The following PDE4D variants were observed in gnomAD, a reference collection of about 807,000 sequenced individuals.
The protein encoded by PDE4D is phosphodiesterase 4D, also known as 3',5'-cyclic-AMP phosphodiesterase 4D.
PDE4D carries 24 observed loss-of-function variants against 87.4 expected under a neutral mutation model. The ratio of observed to expected loss-of-function variants is 0.27; its 90% confidence interval spans 0.20 to 0.39. The LOEUF (loss-of-function observed/expected upper bound fraction) is 0.39. Ranked by LOEUF, PDE4D falls within the 10% of genes least tolerant of loss-of-function variation. PDE4D has a pLI of 1.00. For synonymous variants in PDE4D, 384 were observed against 383.2 expected, an observed-to-expected ratio of 1.00 and a Z score of -0.02; for missense variants, 714 against 1,041.0, an observed-to-expected ratio of 0.69 and a Z score of 4.32.
rs1363323909 is a variant in PDE4D, at chr5:59,396,322, C to T, written c.456-180354G>A. On this transcript the variant is annotated intron_variant, in intron 1 of 14. Coordinates refer to ENST00000340635, the MANE Select transcript of PDE4D (RefSeq NM_001104631.2). ...GAAATGAAGGAAAAAATGTTAAGGGCAGCCAGAGAGAAAGGTCGGGTTACC... is the reference window on the plus strand; with the variant it reads ...GAAATGAAGGAAAAAATGTTAAGGGTAGCCAGAGAGAAAGGTCGGGTTACC... Among the ~76,000 whole-genome samples the T allele has an allele frequency of 8.2e-4, 81 of 98,598 alleles. 11 individuals are homozygous for T. Among genetic ancestry groups the T allele is most frequent in the South Asian group, 1.9e-3 (5 of 2,630 alleles). The allele number at this position is 98,598 out of a possible 152,430, so 64.7% of individuals were successfully genotyped here.
intron 1 of PDE4D, chr5:59,768,159 C>A: frequency 6.7e-7 from 1 of 1,484,992 alleles, no homozygotes; most frequent in Non-Finnish European, 9.1e-7. Flanking sequence ...GATGGTCCTC[C>A]CTCCCTACCC....
intron 1 of PDE4D, among the ~76,000 whole-genome samples, chr5:60,290,913 C>A (rs1443561229): frequency 6.6e-6 from 1 of 151,990 alleles, no homozygotes; most frequent in East Asian, 1.9e-4. Flanking sequence ...TGTAACCCCC[C>A]AAAAAAGGGT....
intron 1 of PDE4D, among the ~76,000 whole-genome samples, chr5:59,489,107 A>G (rs1352947505): frequency 6.6e-6 from 1 of 152,016 alleles, no homozygotes; most frequent in Non-Finnish European, 1.5e-5. Flanking sequence ...CAATATGGTG[A>G]AACCCCATCT....
chr5:59,616,945 A>ATATATATATATATATATATATATATATC (rs936160133), intron 1 of PDE4D, among the ~76,000 whole-genome samples: 2 of 137,274 alleles, frequency 1.5e-5, no homozygotes, highest in Non-Finnish European at 3.2e-5. Flanking sequence ...ATATATATAT[A>ATATATATATATATATATATATATATATC]TCTCCAAGAT....
At chr5:60,179,236 A>G (rs1784180891) in intron 2 of PDE4D, among the ~76,000 whole-genome samples, 1 of 152,108 alleles carries the variant, frequency 6.6e-6, no homozygotes, top group South Asian at 2.1e-4. Context: ...GGTCTCTCTA[A>G]CTATATACCA....
At chr5:60,066,128 T>C (rs1344764872) in intron 2 of PDE4D, among the ~76,000 whole-genome samples, 5 of 152,212 alleles carry the variant, frequency 3.3e-5, no homozygotes, top group African/African-American at 1.2e-4. Flanking sequence ...ATCGCCATTC[T>C]AACTGGTGTG....
intron 2 of PDE4D, among the ~76,000 whole-genome samples, chr5:59,215,042 C>T (rs947533608): frequency 6.6e-6 from 1 of 152,024 alleles, no homozygotes; most frequent in Non-Finnish European, 1.5e-5. Flanking sequence ...AGATGTGCCA[C>T]GAATGATAGT....
chr5:59,763,138 C>A (rs1762375879), intron 1 of PDE4D, among the ~76,000 whole-genome samples: 1 of 151,276 alleles, frequency 6.6e-6, no homozygotes, highest in African/African-American at 2.4e-5. Flanking sequence ...CTGATGCAAA[C>A]AATGACAAAA....
At chr5:59,089,312 A>G (rs1768278456) in intron 5 of PDE4D, among the ~76,000 whole-genome samples, 1 of 152,152 alleles carries the variant, frequency 6.6e-6, no homozygotes. Flanking sequence ...AAGATAAGGA[A>G]ACTAATTGGT....
At chr5:60,481,590 C>A (rs748970474) in intron 1 of PDE4D, among the ~76,000 whole-genome samples, 7 of 152,096 alleles carry the variant, frequency 4.6e-5, no homozygotes, top group Non-Finnish European at 5.9e-5. Context: ...ATAAAATACC[C>A]AAGGAACTAT....
intron 1 of PDE4D, among the ~76,000 whole-genome samples, chr5:59,372,174 C>G (rs1784039481): frequency 6.6e-6 from 1 of 152,198 alleles, no homozygotes; most frequent in East Asian, 1.9e-4. Flanking sequence ...ATCCATTTCT[C>G]TACCTACCCA....
intron 1 of PDE4D, among the ~76,000 whole-genome samples, chr5:59,243,941 C>T (rs1280530109): frequency 1.3e-5 from 2 of 151,796 alleles, no homozygotes; most frequent in Non-Finnish European, 2.9e-5. Context: ...TAGTGAACCA[C>T]TACAATAAAG....
intron 2 of PDE4D, among the ~76,000 whole-genome samples, chr5:60,009,181 A>C (rs78163262): frequency 0.025 from 3,801 of 152,084 alleles, 56 homozygotes; most frequent in Non-Finnish European, 0.036. Flanking sequence ...GGTTTTTATC[A>C]AACGTTGAAA....
chr5:59,720,936 T>C (rs925424584), intron 1 of PDE4D, among the ~76,000 whole-genome samples: 21 of 152,170 alleles, frequency 1.4e-4, no homozygotes, highest in African/African-American at 5.1e-4. Flanking sequence ...TATACAAATG[T>C]AGATTTCCAA....
chr5:59,457,563 G>A (rs1800121730), intron 1 of PDE4D, among the ~76,000 whole-genome samples: 1 of 152,152 alleles, frequency 6.6e-6, no homozygotes, highest in Non-Finnish European at 1.5e-5. Flanking sequence ...TTGGCTGAAT[G>A]GGTAAATGAA....
intron 1 of PDE4D, among the ~76,000 whole-genome samples, chr5:60,364,632 T>C (rs1583534422): frequency 6.6e-6 from 1 of 152,314 alleles, no homozygotes; most frequent in Non-Finnish European, 1.5e-5. Flanking sequence ...AAATAAACTT[T>C]ATGAACCATG....
chr5:59,718,388 G>A (rs1046217268), intron 1 of PDE4D, among the ~76,000 whole-genome samples: 1 of 152,122 alleles, frequency 6.6e-6, no homozygotes, highest in Non-Finnish European at 1.5e-5. Flanking sequence ...TAGTAAGCTG[G>A]TGAACACCTT....
At chr5:59,178,412 G>A (rs1205135756) in intron 5 of PDE4D, among the ~76,000 whole-genome samples, 4 of 152,088 alleles carry the variant, frequency 2.6e-5, no homozygotes, top group Non-Finnish European at 4.4e-5. Context: ...AGGAGCTTGT[G>A]GGTACGAATG....
At chr5:60,082,194 G>C (rs558114065) in intron 2 of PDE4D, among the ~76,000 whole-genome samples, 1 of 152,286 alleles carries the variant, frequency 6.6e-6, no homozygotes, top group South Asian at 2.1e-4. Flanking sequence ...GATGACATTA[G>C]GAGGTAGGGC....
Sources: gnomAD v4.1 joint callset for allele counts (sites outside exome capture counted in the v4.1 genomes callset) on GRCh38, gnomAD v4.1.1 for gene constraint, MANE v1.5 for transcripts, NCBI Gene and HGNC (gene_info 2026-07-23, HGNC 2026-07-21) for gene names.